Variants in SH3BGRL2 observed in about 807,000 individuals in gnomAD.
The protein encoded by SH3BGRL2 is SH3 domain-binding glutamic acid-rich-like protein 2.
In SH3BGRL2, 21 loss-of-function variants were observed where a neutral mutation model predicts 14.8. The ratio of observed to expected loss-of-function variants is 1.42; its 90% CI spans 1.01 to 2.05. The LOEUF is 2.05. SH3BGRL2 is among the 30% of genes most tolerant of loss of function. The pLI is 0.00. For synonymous variants in SH3BGRL2, 50 were observed against 47.8 expected (o/e 1.05, Z -0.19); for missense variants, 147 against 130.8 (o/e 1.12, Z -0.61).
chr6:79,550,939 A>T, the SH3BGRL2 span, among the ~76,000 whole-genome samples: 4 of 152,308 alleles, frequency 2.6e-5, no homozygotes, highest in African/African-American at 9.6e-5. Flanking sequence ...CAGGAAAACT[A>T]TATTTTCTCA....
the SH3BGRL2 span, among the ~76,000 whole-genome samples, chr6:79,617,190 CAAAAA>C: frequency 3.0e-5 from 2 of 65,742 alleles, no homozygotes; most frequent in South Asian, 1.5e-3. Context: ...CGTCTCAAAA[CAAAAA>C]AAAGAAAAAA....
chr6:79,699,763 C>A lies in SH3BGRL2; in HGVS notation c.*254C>A. The stretch of plus-strand genomic sequence containing the variant: ...TGCCTCACTCACCTGGAAATACCGT[C>A]ACCTGTTACAGGTGTACTTTCTTAA... On this transcript the variant is annotated 3_prime_UTR_variant, in exon 4 of 4. Coordinates refer to ENST00000369838, the MANE Select transcript of SH3BGRL2 (RefSeq NM_031469.4). 2.3e-6 allele frequency: 1 copy of A among 440,176 alleles called. No homozygotes were observed. Among genetic ancestry groups the A allele is most frequent in the Non-Finnish European group, 3.9e-6 (1 of 253,946 alleles). The allele number at this position is 440,176 out of a possible 1,614,324, so 27.3% of individuals were successfully genotyped here.
the SH3BGRL2 span, among the ~76,000 whole-genome samples, chr6:79,625,718 T>C: frequency 6.6e-6 from 1 of 152,226 alleles, no homozygotes; most frequent in African/African-American, 2.4e-5. Flanking sequence ...GTCCTAACTA[T>C]GTGCCAGGCA....
At chr6:79,685,281 T>C (rs1025219915) in intron 2 of SH3BGRL2, among the ~76,000 whole-genome samples, 1 of 152,222 alleles carries the variant, frequency 6.6e-6, no homozygotes, top group Non-Finnish European at 1.5e-5. Flanking sequence ...GGTGGTTTTC[T>C]TACTGTTTCA....
At chr6:79,674,602 T>C (rs1430246879) in intron 2 of SH3BGRL2, among the ~76,000 whole-genome samples, 2 of 152,180 alleles carry the variant, frequency 1.3e-5, no homozygotes, top group Non-Finnish European at 2.9e-5. Context: ...GTGCTTGAGA[T>C]TAAATAAATA....
chr6:79,607,944 T>A, the SH3BGRL2 span, among the ~76,000 whole-genome samples: 4 of 151,646 alleles, frequency 2.6e-5, no homozygotes, highest in African/African-American at 9.7e-5. Context: ...AGACTCCATC[T>A]CAAAAAAAAG....
the SH3BGRL2 span, among the ~76,000 whole-genome samples, chr6:79,616,195 G>A: frequency 6.6e-6 from 1 of 152,156 alleles, no homozygotes; most frequent in African/African-American, 2.4e-5. Flanking sequence ...TGTTTGGGAG[G>A]CAGTGAGGCC....
chr6:79,688,612 T>C (rs1444066175), intron 2 of SH3BGRL2, among the ~76,000 whole-genome samples: 2 of 152,182 alleles, frequency 1.3e-5, no homozygotes, highest in Non-Finnish European at 1.5e-5. Context: ...TTGGAAACTT[T>C]ATGTGAGTTT....
the SH3BGRL2 span, among the ~76,000 whole-genome samples, chr6:79,563,120 T>C: frequency 6.7e-6 from 1 of 149,690 alleles, no homozygotes; most frequent in Non-Finnish European, 1.5e-5. Flanking sequence ...CATGCCCAGC[T>C]AATTTTTTGA....
chr6:79,653,495 C>T (rs1769345322), intron 1 of SH3BGRL2, among the ~76,000 whole-genome samples: 1 of 152,126 alleles, frequency 6.6e-6, no homozygotes, highest in Non-Finnish European at 1.5e-5. Flanking sequence ...GATTTGTAAA[C>T]AGTCTAATGT....
At chr6:79,612,619 A>G in the SH3BGRL2 span, among the ~76,000 whole-genome samples, 1 of 152,220 alleles carries the variant, frequency 6.6e-6, no homozygotes, top group Non-Finnish European at 1.5e-5. Flanking sequence ...TACAAAAATC[A>G]TTTTGATTTG....
chr6:79,631,623 G>A (rs1768827360), intron 1 of SH3BGRL2, 117 bp downstream of exon 1: 1 of 772,496 alleles, frequency 1.3e-6, no homozygotes, highest in Non-Finnish European at 1.8e-6. Flanking sequence ...GCGGGAGCCC[G>A]CGCCCGGCAG....
the SH3BGRL2 span, among the ~76,000 whole-genome samples, chr6:79,542,488 CA>C: frequency 6.6e-6 from 1 of 152,130 alleles, no homozygotes; most frequent in Admixed American, 6.5e-5. Flanking sequence ...AGGCTGGTCT[CA>C]AACTCTTGAC....
At chr6:79,544,964 A>G in the SH3BGRL2 span, among the ~76,000 whole-genome samples, 1 of 152,254 alleles carries the variant, frequency 6.6e-6, no homozygotes, top group Non-Finnish European at 1.5e-5. Context: ...AGGAGAAAAC[A>G]GAAGAAGCTA....
chr6:79,685,937 G>T (rs1251890564), intron 2 of SH3BGRL2, among the ~76,000 whole-genome samples: 1 of 152,144 alleles, frequency 6.6e-6, no homozygotes, highest in Non-Finnish European at 1.5e-5. Flanking sequence ...TGTGTGTCCT[G>T]AAAATAACTT....
intron 2 of SH3BGRL2, among the ~76,000 whole-genome samples, chr6:79,676,605 ATGTG>A (rs58234438): frequency 0.083 from 11,531 of 139,708 alleles, 557 homozygotes; most frequent in African/African-American, 0.14. Flanking sequence ...GTCTTTATGT[ATGTG>A]TGTGTGTGTG....
the SH3BGRL2 span, among the ~76,000 whole-genome samples, chr6:79,561,754 C>T: frequency 6.6e-6 from 1 of 152,138 alleles, no homozygotes. Flanking sequence ...CATGTTTGTG[C>T]TTTGGTGATC....
intron 2 of SH3BGRL2, among the ~76,000 whole-genome samples, chr6:79,693,628 G>A (rs1467100625): frequency 2.6e-5 from 4 of 152,080 alleles, no homozygotes; most frequent in Non-Finnish European, 5.9e-5. Flanking sequence ...TGTGGTTTTT[G>A]TCTTTGGTTC....
chr6:79,648,815 G>C (rs1769221085), intron 1 of SH3BGRL2, among the ~76,000 whole-genome samples: 1 of 152,164 alleles, frequency 6.6e-6, no homozygotes, highest in Non-Finnish European at 1.5e-5. Context: ...AGTGTAGCTA[G>C]AAGTCTACTT....
Sources: gnomAD v4.1 joint callset for allele counts (sites outside exome capture counted in the v4.1 genomes callset) on GRCh38, gnomAD v4.1.1 for gene constraint, MANE v1.5 for transcripts, NCBI Gene and HGNC (gene_info 2026-07-23, HGNC 2026-07-21) for gene names.